Variants in ZNF48 observed in about 807,000 individuals in gnomAD.
ZNF48 encodes zinc finger protein 48.
Under a neutral mutation model 40.0 loss-of-function variants are expected in ZNF48, and 20 were observed. The observed-to-expected ratio is 0.50, with a 90% CI of 0.35 to 0.73. The LOEUF (loss-of-function observed/expected upper bound fraction) is 0.73. ZNF48 is among the 30% of genes least tolerant of loss of function. The pLI is 0.01. For missense variants in ZNF48, 726 were observed against 851.9 expected (o/e 0.85, Z 1.84); for synonymous variants, 298 against 329.7 (o/e 0.90, Z 1.04).
chr16:30,378,391 C>A, exon 1 of ZNF48: 1 of 1,508,384 alleles, frequency 6.6e-7, no homozygotes, highest in South Asian at 1.2e-5. Flanking sequence ...GACAAGAGGC[C>A]GACTGAAGGC....
chr16:30,391,786 T>C (rs1189331067), upstream of ZNF48, among the ~76,000 whole-genome samples: 2 of 149,678 alleles, frequency 1.3e-5, no homozygotes, highest in Non-Finnish European at 3.0e-5. Context: ...CGTGAGCCAC[T>C]GATTCCAGCC....
chr16:30,390,238 C>T (rs1368432345), intron 1 of ZNF48, among the ~76,000 whole-genome samples: 1 of 152,060 alleles, frequency 6.6e-6, no homozygotes, highest in East Asian at 1.9e-4. Context: ...GATCTAATAA[C>T]TATAGGATTT....
chr16:30,378,594 C>G (rs377366007), intron 1 of ZNF48: 5 of 1,610,234 alleles, frequency 3.1e-6, no homozygotes, highest in Non-Finnish European at 4.2e-6. Context: ...CGGGGGGAAG[C>G]GAGGTGCGTG....
At chr16:30,389,504 C>T (rs2049926271) in intron 1 of ZNF48, among the ~76,000 whole-genome samples, 1 of 146,812 alleles carries the variant, frequency 6.8e-6, no homozygotes, top group South Asian at 2.1e-4. Context: ...ACCTGGGAGG[C>T]AGAGGTTGTG....
chr16:30,393,712 CTCTT>C (rs1178857657), upstream of ZNF48, among the ~76,000 whole-genome samples: 13 of 151,568 alleles, frequency 8.6e-5, no homozygotes, highest in Admixed American at 2.6e-4. Flanking sequence ...TTAACAGTCT[CTCTT>C]TCTTTCTCTT....
At chr16:30,393,901 T>TA (rs1185491244), upstream of ZNF48, among the ~76,000 whole-genome samples, 1 of 151,822 alleles carries the variant, frequency 6.6e-6, no homozygotes, top group Non-Finnish European at 1.5e-5. Flanking sequence ...TTTTTTTTTG[T>TA]AGAGACAAGG....
At chr16:30,379,809 G>C (rs1361212478) in intron 1 of ZNF48, 2 of 663,012 alleles carry the variant, frequency 3.0e-6, no homozygotes, top group Non-Finnish European at 5.3e-6. Context: ...GTCTCGCCAT[G>C]TTGCCCAGGC....
rs750722309 is a variant in ZNF48 at position 30,398,137 on chromosome 16, G to C, written c.887G>C (p.Ser296Thr). ...LSCSLLSHQR[S>T]HLGPKPFGCD... ...TGCAGCCTCCTGAGTCACCAGCGTA[G>C]TCACTTGGGGCCCAAGCCCTTTGGC... is the stretch of plus-strand genomic sequence containing the variant. Residue 296 changes from serine (S) to threonine (T), a missense_variant, in exon 3 of 3, where the codon AGT becomes ACT. This residue lies in a region of ZNF48 where 378 missense variants were observed against 449.1 expected (regional missense o/e 0.84). Coordinates refer to ENST00000613509, the MANE Select transcript of ZNF48 (RefSeq NM_001214909.2). This position sits in a 1 kb window ranked among gnomAD's most constrained non-coding sequence, Gnocchi z 6.6. The C allele has an allele frequency of 8.7e-6, 14 of 1,613,720 alleles. 1 individual carries two copies. Among genetic ancestry groups the C allele is most frequent in the Admixed American group, 5.0e-5 (3 of 59,992 alleles).
chr16:30,395,255 T>C (rs757757273), upstream of ZNF48: 2 of 456,172 alleles, frequency 4.4e-6, no homozygotes, highest in South Asian at 3.1e-5. This position sits in a 1 kb window ranked among gnomAD's most constrained non-coding sequence, Gnocchi z 5.9. Context: ...ACACGGTTAA[T>C]ACCACCGAGT....
At chr16:30,395,200 T>C (rs1290972343), upstream of ZNF48, 2 of 455,664 alleles carry the variant, frequency 4.4e-6, no homozygotes, top group Admixed American at 4.7e-5. The surrounding 1 kb of genome is among the most constrained non-coding windows in gnomAD (Gnocchi z 5.9). Context: ...CAGCCACAAT[T>C]ACGAAGAGCC....
Position 30,382,478 on chromosome 16 carries a change from G to A in ZNF48, c.-16+4068G>A. 2 of 1,583,658 alleles carry A rather than the reference G, an allele frequency of 1.3e-6. No homozygotes were observed. The highest frequency in any genetic ancestry group is 1.7e-6 in the Non-Finnish European group (2 of 1,158,012). On this transcript the variant is annotated intron_variant, in intron 1 of 2. Transcript: ENST00000528032. This position sits in a 1 kb window ranked among gnomAD's most constrained non-coding sequence, Gnocchi z 4.8. ...AGTGGGGTCTGGGGACCCCAGGCAT[G>A]GGGGCTGGGGGCCGAGATGCCCAGG... is the stretch of plus-strand genomic sequence containing the variant.
intron 2 of ZNF48, among the ~76,000 whole-genome samples, chr16:30,396,865 T>G (rs1444593276): frequency 1.3e-5 from 2 of 151,420 alleles, no homozygotes; most frequent in Non-Finnish European, 2.9e-5. Flanking sequence ...ATTTTTGTAT[T>G]TTTTTTTGTA....
At position 30,379,430 on chromosome 16, in the gene ZNF48, C is replaced by T. The variant is rs1271358967; in HGVS notation, c.-16+1020C>T. On this transcript the variant is annotated intron_variant, in intron 1 of 2. Coordinates refer to the ZNF48 transcript ENST00000528032. ...GCCTTAGGACCCCTGCCTGGCCTCACTCACCCTCCACGGTCCCCCAGGAGT... is the reference window on the plus strand; with the variant it reads ...GCCTTAGGACCCCTGCCTGGCCTCATTCACCCTCCACGGTCCCCCAGGAGT... 3 of 1,613,050 alleles carry T rather than the reference C, an allele frequency of 1.9e-6. No individual in the cohort carries two copies. In the South Asian group the frequency reaches 3.3e-5, roughly 18 times the overall value.
At chr16:30,394,298 AGATGC>A (rs1285398955), upstream of ZNF48, among the ~76,000 whole-genome samples, 1 of 152,196 alleles carries the variant, frequency 6.6e-6, no homozygotes, top group East Asian at 1.9e-4. Flanking sequence ...CTTAGCACTA[AGATGC>A]TAATAAATGT....
At chr16:30,378,441 G>A in intron 1 of ZNF48, 1 of 1,571,390 alleles carries the variant, frequency 6.4e-7, no homozygotes, top group Non-Finnish European at 8.6e-7. Context: ...GCCTCAGAGG[G>A]CGTCTGACTG....
At position 30,382,793 on chromosome 16, in the gene ZNF48, G is replaced by A. The variant is rs1032849873; in HGVS notation, c.-16+4383G>A. The A allele has an allele frequency of 5.2e-6, 8 of 1,535,600 alleles. No individual in the cohort carries two copies. The highest frequency in any genetic ancestry group is 2.4e-5 in the East Asian group (1 of 40,918). Reference sequence around the variant, plus strand: ...CAAGTCCCACTGTAGCTCCATCATCGTGGTGAGACATGGGGTATGTGCAGA... The same window carrying A: ...CAAGTCCCACTGTAGCTCCATCATCATGGTGAGACATGGGGTATGTGCAGA... On this transcript the variant is annotated intron_variant, in intron 1 of 2. Transcript: ENST00000528032. This position sits in a 1 kb window ranked among gnomAD's most constrained non-coding sequence, Gnocchi z 4.8.
chr16:30,390,260 G>A (rs2049932349), intron 1 of ZNF48, among the ~76,000 whole-genome samples: 1 of 152,072 alleles, frequency 6.6e-6, no homozygotes, highest in Non-Finnish European at 1.5e-5. Context: ...TCCTCTCAAA[G>A]TCAGAGTTAG....
chr16:30,388,971 G>A (rs978672729), intron 1 of ZNF48, among the ~76,000 whole-genome samples: 1 of 148,970 alleles, frequency 6.7e-6, no homozygotes, highest in Admixed American at 6.7e-5. Flanking sequence ...TGCAAAAAAG[G>A]CTCTTGTGGC....
intron 1 of ZNF48, chr16:30,379,967 C>A: frequency 1.9e-6 from 3 of 1,605,708 alleles, no homozygotes; most frequent in Non-Finnish European, 2.6e-6. Flanking sequence ...AAGTCTTCAT[C>A]TTCATCAGAG....
Sources: gnomAD v4.1 joint callset for allele counts (sites outside exome capture counted in the v4.1 genomes callset) on GRCh38, gnomAD v4.1.1 for gene constraint, gnomAD v4.1.1 regional missense constraint, Gnocchi (gnomAD v3.1) non-coding constraint, MANE v1.5 for transcripts, NCBI Gene and HGNC (gene_info 2026-07-23, HGNC 2026-07-21) for gene names.